The following EXTL2 variants were observed in gnomAD, a reference collection of about 807,000 sequenced individuals.
EXTL2 encodes exostosin like glycosyltransferase 2, also known as exostosin-like 2.
In EXTL2, 23 loss-of-function variants were observed where a neutral mutation model predicts 30.7. The ratio of observed to expected loss-of-function variants is 0.75; its 90% CI spans 0.54 to 1.06. EXTL2 has a LOEUF of 1.06. Ranked by LOEUF, EXTL2 falls within the 50% of genes least tolerant of loss-of-function variation. The pLI is 0.00. For missense variants in EXTL2, 352 were observed against 396.3 expected, an observed-to-expected ratio of 0.89 and a Z score of 0.95; for synonymous variants, 123 against 133.8, an observed-to-expected ratio of 0.92 and a Z score of 0.56.
Position 100,877,337 on chromosome 1 carries a change from A to G in EXTL2, c.433+139T>C. On this transcript the variant is annotated intron_variant, in intron 3 of 4. Transcript: ENST00000370114. This position sits in a 1 kb window ranked among gnomAD's most constrained non-coding sequence, Gnocchi z 4.1. ...TTGACATCTTGGAAATTGTCCCTCA[A>G]GCTTTCCAAAGTGCTTTCTTAGGAC... 1 of 698,046 alleles carries G rather than the reference A, an allele frequency of 1.4e-6. No homozygotes were observed. The highest frequency in any genetic ancestry group is 2.3e-6 in the Non-Finnish European group (1 of 436,088). The allele number at this position is 698,046 out of a possible 1,614,324, so 43.2% of individuals were successfully genotyped here.
At chr1:100,876,896 T>C (rs1282597093) in intron 3 of EXTL2, 32 bp from the exon 4 acceptor site, 1 of 1,497,708 alleles carries the variant, frequency 6.7e-7, no homozygotes. Context: ...TTAAGTTGAA[T>C]AGTTCGGAAA....
At chr1:100,889,692 G>C (rs186024625) in intron 1 of EXTL2, among the ~76,000 whole-genome samples, 261 of 152,336 alleles carry the variant, frequency 1.7e-3, no homozygotes, top group African/African-American at 5.3e-3. Flanking sequence ...CAGGCCCCAT[G>C]CAAGTCCGAA....
intron 1 of EXTL2, among the ~76,000 whole-genome samples, chr1:100,893,902 G>A (rs987242966): frequency 7.2e-5 from 11 of 152,276 alleles, no homozygotes; most frequent in African/African-American, 2.6e-4. Flanking sequence ...GGGGGAATTT[G>A]GGAGTCTCTG....
chr1:100,888,691 A>C, intron 2 of EXTL2, 62 bp downstream of exon 2: 1 of 899,362 alleles, frequency 1.1e-6, no homozygotes. Context: ...TTAAGGTGAT[A>C]AATTTTGTGT....
intron 2 of EXTL2, among the ~76,000 whole-genome samples, chr1:100,887,760 A>G (rs1650080418): frequency 6.6e-6 from 1 of 151,974 alleles, no homozygotes; most frequent in South Asian, 2.1e-4. Context: ...GCTGGAGATA[A>G]GTGGCGCGAT....
chr1:100,876,950 T>C, intron 3 of EXTL2, 86 bp from the exon 4 acceptor site: 1 of 792,322 alleles, frequency 1.3e-6, no homozygotes. Flanking sequence ...ATATAGATCA[T>C]TCAAATGAAG....
rs1648940229 is a variant in EXTL2 at position 100,874,406 on chromosome 1, A to C, written c.529T>G (p.Phe177Val). Residue 177 changes from phenylalanine (F) to valine (V), a missense_variant, in exon 5 of 5, where the codon TTT (phenylalanine) becomes GTT (valine). Transcript: ENST00000370114. ...WQQFPDQIVG[F>V]VPRKHVSTSS... ...GTAGAGACGTGCTTTCTAGGAACAA[A>C]TCCTACAATTTGATCAGGAAATTGC... The C allele has an allele frequency of 1.3e-6, 2 of 1,592,450 alleles. No individual in the cohort carries two copies. Among genetic ancestry groups the C allele is most frequent in the Non-Finnish European group, 1.7e-6 (2 of 1,168,438 alleles).
intron 2 of EXTL2, among the ~76,000 whole-genome samples, chr1:100,880,466 C>A (rs963704822): frequency 2.6e-5 from 4 of 152,132 alleles, no homozygotes; most frequent in African/African-American, 9.7e-5. Flanking sequence ...AAGGTATAAA[C>A]AAATAAATTA....
At chr1:100,881,518 T>C (rs1649556746) in intron 2 of EXTL2, among the ~76,000 whole-genome samples, 1 of 152,250 alleles carries the variant, frequency 6.6e-6, no homozygotes, top group Admixed American at 6.5e-5. Flanking sequence ...CTTTCCCTTT[T>C]AGGTTTTGGT....
rs1331312420 is a variant in EXTL2, at chr1:100,872,965, A to G, written c.*977T>C. The stretch of plus-strand genomic sequence containing the variant: ...TGAATAGTTCCTTGGATCTTTTTTT[A>G]AAGTTGTGAATGCAAGTGTTTGGCT... On this transcript the variant is annotated 3_prime_UTR_variant, in exon 5 of 5. Transcript: ENST00000370114. 5.9e-5 allele frequency: 9 copies of G among 151,974 alleles called. No individual in the cohort carries two copies. Among genetic ancestry groups the G allele is most frequent in the Non-Finnish European group, 1.0e-4 (7 of 67,940 alleles). The allele number at this position is 151,974 out of a possible 1,614,324, so 9.4% of individuals were successfully genotyped here. A position where few individuals can be genotyped will look rare whatever the true frequency, so the allele number is the denominator to read the frequency against.
rs1239951043 is a variant in EXTL2 at position 100,876,802 on chromosome 1, CT to C, written c.495del (p.Val166PhefsTer10). On this transcript the variant is annotated frameshift_variant, in exon 4 of 5. Coordinates refer to ENST00000370114, the MANE Select transcript of EXTL2 (RefSeq NM_001033025.3). LOFTEE classifies it high-confidence loss of function. ...AGAGACAGCAACATTACCTGCCAAA[CT>C]GAGAAAGCAAAAACAAGGTCTGGGG... ...ISTPDLVFAF[S>X]VWQQFPDQIV... The C allele has an allele frequency of 6.2e-7, 1 of 1,611,528 alleles. No homozygotes were observed. Among genetic ancestry groups the C allele is most frequent in the Non-Finnish European group, 8.5e-7 (1 of 1,178,192 alleles).
chr1:100,873,130 T>G lies in EXTL2; in HGVS notation c.*812A>C, dbSNP rs1255001517. 6.6e-6 allele frequency: 1 copy of G among 152,054 alleles called. No homozygotes were observed. Among genetic ancestry groups the G allele is most frequent in the Non-Finnish European group, 1.5e-5 (1 of 67,972 alleles). 9.4% of individuals were successfully genotyped at this position (152,054 alleles called of 1,614,324 possible). On this transcript the variant is annotated 3_prime_UTR_variant, in exon 5 of 5. Transcript: ENST00000370114. ...ATACATTTCTTAAACAACACATACATTATGTAAAATATAAGAATTAATGTA... is the reference window on the plus strand; with the variant it reads ...ATACATTTCTTAAACAACACATACAGTATGTAAAATATAAGAATTAATGTA...
Position 100,872,927 on chromosome 1 carries a change from A to G in EXTL2, c.*1015T>C, listed in dbSNP as rs1273019106. Reference sequence around the variant, plus strand: ...TTTTCTCCTCCTTGTATGTAGTTGAAATTTCATCATTATGAATAGTTCCTT... The same window carrying G: ...TTTTCTCCTCCTTGTATGTAGTTGAGATTTCATCATTATGAATAGTTCCTT... On this transcript the variant is annotated 3_prime_UTR_variant, in exon 5 of 5. Transcript: ENST00000370114. 2 of 152,000 alleles carry G rather than the reference A, an allele frequency of 1.3e-5. No individual in the cohort carries two copies. The highest frequency in any genetic ancestry group is 4.8e-5 in the African/African-American group (2 of 41,398). The allele number at this position is 152,000 out of a possible 1,614,324, so 9.4% of individuals were successfully genotyped here. A position where few individuals can be genotyped will look rare whatever the true frequency, so the allele number is the denominator to read the frequency against.
intron 2 of EXTL2, among the ~76,000 whole-genome samples, chr1:100,884,539 A>T (rs1025012786): frequency 6.6e-6 from 1 of 152,206 alleles, no homozygotes; most frequent in African/African-American, 2.4e-5. Context: ...TGTTTAAACT[A>T]AGGCAAAGGC....
chr1:100,885,684 T>C (rs1649906369), intron 2 of EXTL2: 1 of 152,238 alleles, frequency 6.6e-6, no homozygotes, highest in Non-Finnish European at 1.5e-5. Context: ...TCTTCACAAG[T>C]CTTTTCCAGG....
Position 100,872,656 on chromosome 1 carries a change from AT to A in EXTL2, c.*1285del, listed in dbSNP as rs1648787559. The A allele has an allele frequency of 6.6e-6, 1 of 152,488 alleles. No individual in the cohort carries two copies. Among genetic ancestry groups the A allele is most frequent in the African/African-American group, 2.4e-5 (1 of 41,432 alleles). 9.4% of individuals were successfully genotyped at this position (152,488 alleles called of 1,614,324 possible). On this transcript the variant is annotated 3_prime_UTR_variant, in exon 5 of 5. Coordinates refer to ENST00000370114, the MANE Select transcript of EXTL2 (RefSeq NM_001033025.3). ...ATTTTAATATTCTCACAGCTTTGCAATTTTGAGAATATACTAGCATTATATA... is the reference window on the plus strand; with the variant it reads ...ATTTTAATATTCTCACAGCTTTGCAATTTGAGAATATACTAGCATTATATA...
Position 100,877,418 on chromosome 1 carries a change from C to G in EXTL2, c.433+58G>C. The G allele has an allele frequency of 7.0e-7, 1 of 1,438,072 alleles. No individual in the cohort carries two copies. Among genetic ancestry groups the G allele is most frequent in the Non-Finnish European group, 9.3e-7 (1 of 1,074,260 alleles). 89.1% of individuals were successfully genotyped at this position (1,438,072 alleles called of 1,614,324 possible). A position where few individuals can be genotyped will look rare whatever the true frequency, so the allele number is the denominator to read the frequency against. ...AGCAGAAGGCCAGAAATTCACATGT[C>G]TGTCCCAGCTCTGGACAGCGGCAGC... On this transcript the variant is annotated intron_variant, in intron 3 of 4. Coordinates refer to ENST00000370114, the MANE Select transcript of EXTL2 (RefSeq NM_001033025.3). The surrounding 1 kb of genome is among the most constrained non-coding windows in gnomAD (Gnocchi z 4.1).
intron 2 of EXTL2, among the ~76,000 whole-genome samples, chr1:100,880,473 A>T (rs1163951623): frequency 6.6e-6 from 1 of 152,168 alleles, no homozygotes; most frequent in Non-Finnish European, 1.5e-5. Context: ...AAACAAATAA[A>T]TTATTTTCAA....
Position 100,873,956 on chromosome 1 carries a change from T to G in EXTL2, c.979A>C (p.Lys327Gln). ...SQFGFPYANY[K>Q]RKI is the part of the protein sequence containing the mutation. ...TTGTTTTACTTTTATATTTTTCTTT[T>G]GTAGTTGGCATATGGAAAACCAAAC... Residue 327 changes from lysine (K) to glutamine (Q), a missense_variant, in exon 5 of 5, where the codon AAA becomes CAA. Physicochemically the swap from Lys to Gln is moderately conservative, Grantham distance 53 (BLOSUM62 1). Transcript: ENST00000370114. The G allele has an allele frequency of 6.4e-7, 1 of 1,565,202 alleles. No individual in the cohort carries two copies. Among genetic ancestry groups the G allele is most frequent in the East Asian group, 2.3e-5 (1 of 44,386 alleles).
Sources: gnomAD v4.1 joint callset for allele counts (sites outside exome capture counted in the v4.1 genomes callset) on GRCh38, gnomAD v4.1.1 for gene constraint, Gnocchi (gnomAD v3.1) non-coding constraint, MANE v1.5 for transcripts, NCBI Gene and HGNC (gene_info 2026-07-23, HGNC 2026-07-21) for gene names.